Variants in KIAA0930 observed in about 807,000 individuals in gnomAD.
The protein encoded by KIAA0930 is uncharacterized protein KIAA0930.
Under a neutral mutation model 43.9 loss-of-function variants are expected in KIAA0930, and 24 were observed. The ratio of observed to expected loss-of-function variants is 0.55; its 90% CI spans 0.40 to 0.77. The LOEUF is 0.77. KIAA0930 is among the 30% of genes least tolerant of loss of function. The pLI, the probability that KIAA0930 is intolerant of heterozygous loss-of-function variation, is 0.00. For missense variants in KIAA0930, 461 were observed against 574.2 expected (o/e 0.80, Z 2.02); for synonymous variants, 259 against 216.4 (o/e 1.20, Z -1.73).
At chr22:45,204,759 C>T (rs1168727344) in intron 5 of KIAA0930, among the ~76,000 whole-genome samples, 2 of 152,082 alleles carry the variant, frequency 1.3e-5, no homozygotes, top group African/African-American at 2.4e-5. Flanking sequence ...TGCCCAAGCC[C>T]GTTTCCCAAA....
chr22:45,220,373 T>C (rs2147755699), intron 1 of KIAA0930, among the ~76,000 whole-genome samples: 1 of 151,962 alleles, frequency 6.6e-6, no homozygotes, highest in South Asian at 2.1e-4. Context: ...GAGAATTGCT[T>C]GAATCCAGGA....
chr22:45,228,516 G>A (rs1468911877), intron 1 of KIAA0930, among the ~76,000 whole-genome samples: 2 of 152,122 alleles, frequency 1.3e-5, no homozygotes, highest in African/African-American at 4.8e-5. Flanking sequence ...CTGCAAAGGG[G>A]AACAGAGCCC....
At chr22:45,206,691 C>T (rs977939135) in intron 2 of KIAA0930, among the ~76,000 whole-genome samples, 5 of 128,318 alleles carry the variant, frequency 3.9e-5, no homozygotes, top group African/African-American at 1.1e-4. Context: ...TCCTGGGAGA[C>T]TGGCTTCCAA....
At chr22:45,238,897 T>TCTCTCTCTCTCTCTCTCTCTCACC (rs1569087823) in intron 1 of KIAA0930, among the ~76,000 whole-genome samples, 9 of 151,626 alleles carry the variant, frequency 5.9e-5, no homozygotes, top group African/African-American at 1.9e-4. Flanking sequence ...TCTCTCTCTC[T>TCTCTCTCTCTCTCTCTCTCTCACC]CTCTCACCCT....
At chr22:45,221,970 G>A (rs2083770424) in intron 1 of KIAA0930, among the ~76,000 whole-genome samples, 1 of 152,168 alleles carries the variant, frequency 6.6e-6, no homozygotes, top group African/African-American at 2.4e-5. Context: ...CTGACCTCAG[G>A]TTATCTGCCC....
intron 2 of KIAA0930, among the ~76,000 whole-genome samples, chr22:45,208,452 G>GAATCCGCCAACTCCATACACAC (rs2083660088): frequency 1.9e-5 from 2 of 107,484 alleles, no homozygotes; most frequent in Non-Finnish European, 4.4e-5. Context: ...TCCACACGCA[G>GAATCCGCCAACTCCATACACAC]GAGCTGTGAG....
At chr22:45,213,441 C>T (rs1276099984) in intron 1 of KIAA0930, 4 of 1,280,368 alleles carry the variant, frequency 3.1e-6, no homozygotes, top group Non-Finnish European at 4.1e-6. Flanking sequence ...GGGTGAGGGC[C>T]AGGAGAGCCC....
chr22:45,236,581 G>C (rs1289491653), intron 1 of KIAA0930, among the ~76,000 whole-genome samples: 2 of 152,064 alleles, frequency 1.3e-5, no homozygotes, highest in East Asian at 3.9e-4. Flanking sequence ...TGGCCAGGCT[G>C]CCACACAACC....
chr22:45,237,924 C>CT (rs35293203), intron 1 of KIAA0930, among the ~76,000 whole-genome samples: 401 of 143,648 alleles, frequency 2.8e-3, no homozygotes, highest in Non-Finnish European at 3.6e-3. Context: ...AAAATGAGCC[C>CT]TTTTTTTTTT....
chr22:45,240,051 C>T (rs1297512055), intron 1 of KIAA0930, among the ~76,000 whole-genome samples: 1 of 152,140 alleles, frequency 6.6e-6, no homozygotes, highest in Non-Finnish European at 1.5e-5. Flanking sequence ...CGAGAGGCAG[C>T]AGGCCCTGCC....
intron 1 of KIAA0930, among the ~76,000 whole-genome samples, chr22:45,216,189 G>T (rs758115622): frequency 2.6e-5 from 4 of 152,194 alleles, no homozygotes; most frequent in African/African-American, 9.6e-5. Context: ...ACAGTACAGT[G>T]TTAGGAGTTG....
At position 45,194,252 on chromosome 22, in the gene KIAA0930, T is replaced by C. The variant is rs1204160338; in HGVS notation, c.*2924A>G. On this transcript the variant is annotated 3_prime_UTR_variant, in exon 10 of 10. Transcript: ENST00000336156. ...ACCATGTCCAGCTAATTTTTCTATC[T>C]TTAGTAGACATGGGGTTTCAGCATG... 1.3e-5 allele frequency: 2 copies of C among 150,170 alleles called. No individual in the cohort carries two copies. Among genetic ancestry groups the C allele is most frequent in the Non-Finnish European group, 3.0e-5 (2 of 67,746 alleles). 9.3% of individuals were successfully genotyped at this position (150,170 alleles called of 1,614,324 possible). A position where few individuals can be genotyped will look rare whatever the true frequency, so the allele number is the denominator to read the frequency against.
At chr22:45,234,803 C>T (rs1364330340) in intron 1 of KIAA0930, among the ~76,000 whole-genome samples, 1 of 152,166 alleles carries the variant, frequency 6.6e-6, no homozygotes, top group African/African-American at 2.4e-5. Flanking sequence ...GGAGTCTGAG[C>T]AACATGGGAA....
chr22:45,197,275 T>C lies in KIAA0930; in HGVS notation c.1175-59A>G, dbSNP rs1004857122. ...TAACCCTCAACAGCGGTGAGTGCTA[T>C]GGTCACGGCAGTGCCACTTCTGAAG... On this transcript the variant is annotated intron_variant, in intron 9 of 9. Transcript: ENST00000336156. 3 of 1,464,226 alleles carry C rather than the reference T, an allele frequency of 2.0e-6. No homozygotes were observed. The Admixed American group carries it at 6.8e-5, about 33-fold the overall frequency. 90.7% of individuals were successfully genotyped at this position (1,464,226 alleles called of 1,614,324 possible). A position where few individuals can be genotyped will look rare whatever the true frequency, so the allele number is the denominator to read the frequency against.
chr22:45,231,501 G>C (rs2083853421), intron 1 of KIAA0930, among the ~76,000 whole-genome samples: 1 of 152,072 alleles, frequency 6.6e-6, no homozygotes, highest in Non-Finnish European at 1.5e-5. Context: ...TGGGAAGCCA[G>C]AGGCATGAAC....
chr22:45,216,790 A>T (rs2083735328), intron 1 of KIAA0930, among the ~76,000 whole-genome samples: 1 of 152,028 alleles, frequency 6.6e-6, no homozygotes, highest in African/African-American at 2.4e-5. Context: ...GTGGAGACTT[A>T]CGGAAGCAGA....
chr22:45,217,730 G>A (rs2083742518), intron 1 of KIAA0930, among the ~76,000 whole-genome samples: 1 of 152,206 alleles, frequency 6.6e-6, no homozygotes, highest in African/African-American at 2.4e-5. Context: ...AAAGTGCCAT[G>A]AGTACTGATT....
rs548945308 is a variant in KIAA0930 at position 45,196,543 on chromosome 22, C to T, written c.*633G>A. The T allele has an allele frequency of 1.2e-3, 188 of 152,864 alleles. No individual in the cohort carries two copies. The highest frequency in any genetic ancestry group is 2.3e-3 in the Non-Finnish European group (155 of 68,142). The allele number at this position is 152,864 out of a possible 1,614,324, so 9.5% of individuals were successfully genotyped here. ...GGCTGGAAGCAAAAGGCCGTTCTGG[C>T]GGGATCGGGGCCGTCTGCTCAGCTG... On this transcript the variant is annotated 3_prime_UTR_variant, in exon 10 of 10. Transcript: ENST00000336156. The surrounding 1 kb of genome is among the most constrained non-coding windows in gnomAD (Gnocchi z 4.1).
rs1403602897 is a variant in KIAA0930 at position 45,211,390 on chromosome 22, C to T, written c.216+566G>A. On this transcript the variant is annotated intron_variant, in intron 2 of 9. Coordinates refer to ENST00000336156, the MANE Select transcript of KIAA0930 (RefSeq NM_001009880.2). ...ACACTGCGATTTAGTGGATGAAATACGTTAGGCGAATCACTTCATCTCCGA... is the reference window on the plus strand; with the variant it reads ...ACACTGCGATTTAGTGGATGAAATATGTTAGGCGAATCACTTCATCTCCGA... 4 of 399,074 alleles carry T rather than the reference C, an allele frequency of 1.0e-5. No homozygotes were observed. In the East Asian group the frequency reaches 1.1e-4, roughly 11 times the overall value. 24.7% of individuals were successfully genotyped at this position (399,074 alleles called of 1,614,324 possible). A position where few individuals can be genotyped will look rare whatever the true frequency, so the allele number is the denominator to read the frequency against.
Sources: gnomAD v4.1 joint callset for allele counts (sites outside exome capture counted in the v4.1 genomes callset) on GRCh38, gnomAD v4.1.1 for gene constraint, Gnocchi (gnomAD v3.1) non-coding constraint, MANE v1.5 for transcripts, NCBI Gene and HGNC (gene_info 2026-07-23, HGNC 2026-07-21) for gene names.